PHC3: variants seen among roughly 807,000 people sequenced by gnomAD.
The protein encoded by PHC3 is polyhomeotic homolog 3, also known as polyhomeotic-like protein 3.
PHC3 carries 13 observed loss-of-function variants against 107.4 expected under a neutral mutation model. The ratio of observed to expected loss-of-function variants is 0.12; its 90% CI spans 0.08 to 0.19. The LOEUF is 0.19. Ranked by LOEUF, PHC3 falls within the 10% of genes least tolerant of loss-of-function variation. The pLI, the probability that PHC3 is intolerant of heterozygous loss-of-function variation, is 1.00. For missense variants in PHC3, 992 were observed against 1,210.9 expected (o/e 0.82, Z 2.68); for synonymous variants, 456 against 427.4 (o/e 1.07, Z -0.83).
intron 6 of PHC3, among the ~76,000 whole-genome samples, chr3:170,143,757 T>C (rs1176105242): frequency 6.6e-6 from 1 of 152,174 alleles, no homozygotes; most frequent in East Asian, 1.9e-4. Flanking sequence ...TTGACATATC[T>C]ATATACCATA....
At position 170,106,944 on chromosome 3, in the gene PHC3, T is replaced by G. The variant is rs1409848309; in HGVS notation, c.2356A>C (p.Thr786Pro). 3 of 1,581,658 alleles carry G rather than the reference T, an allele frequency of 1.9e-6. No homozygotes were observed. Among genetic ancestry groups the G allele is most frequent in the Non-Finnish European group, 1.7e-6 (2 of 1,167,680 alleles). Residue 786 changes from threonine to proline, a missense_variant and splice_region_variant, in exon 12 of 15, where the codon ACA becomes CCA. Thr to Pro is a conservative substitution (Grantham distance 38). Coordinates refer to ENST00000495893, the MANE Select transcript of PHC3 (RefSeq NM_024947.4). ...AACTCACTGTCCATTTCTTCTAATG[T>G]CTCTAAAAAAGAAGGAAACAAAGGA... ...TEMEDMIAEE[T>P]LEEMDSELLK...
In PHC3 at chr3:170,106,870, C is replaced by T; in HGVS notation, c.2430G>A (p.Leu810=). 1 of 1,612,364 alleles carries T rather than the reference C, an allele frequency of 6.2e-7. No individual in the cohort carries two copies. Among genetic ancestry groups the T allele is most frequent in the Non-Finnish European group, 8.5e-7 (1 of 1,179,360 alleles). Residue 810 remains leucine, a synonymous_variant, in exon 12 of 15, where the codon TTG becomes TTA. Transcript: ENST00000495893. ...CGKMGYANEF[L]RSKRFCTMSC... is the part of the protein sequence containing the mutation. ...ACATAGTGCAGAATCGTTTTGACCG[C>T]AAAAATTCATTAGCATATCCCATTT...
At chr3:170,153,762 C>CA (rs371840050) in intron 4 of PHC3, among the ~76,000 whole-genome samples, 34,124 of 108,332 alleles carry the variant, frequency 0.31, 4,699 homozygotes, top group East Asian at 0.52. Context: ...GACTCCGTCT[C>CA]AAAAAAAAAA....
Position 170,097,422 on chromosome 3 carries a change from A to G in PHC3, c.2834-38T>C. The G allele has an allele frequency of 6.3e-7, 1 of 1,593,096 alleles. No homozygotes were observed. The highest frequency in any genetic ancestry group is 8.6e-7 in the Non-Finnish European group (1 of 1,166,832). ...CAGAGGACAGAAGTTAGAATTAAAT[A>G]TACAACAATTAGACATTACTCCTAA... On this transcript the variant is annotated intron_variant, in intron 14 of 14. Transcript: ENST00000495893. The surrounding 1 kb of genome is among the most constrained non-coding windows in gnomAD (Gnocchi z 4.1).
In PHC3 at chr3:170,113,451, T is replaced by C. The variant is rs776110311; in HGVS notation, c.2262A>G (p.Ile754Met). The part of the protein sequence containing the change: ...KKRPLLDNQV[I>M]NSVCVQPELQ... Reference sequence around the variant, plus strand: ...GCTCTGGCTGAACACACACTGAATTTATCACCTGATTATCCAAAAGAGGCC... The same window carrying C: ...GCTCTGGCTGAACACACACTGAATTCATCACCTGATTATCCAAAAGAGGCC... The change falls in exon 11 of 15, where the codon ATA (isoleucine) becomes ATG (methionine). Residue 754 changes from isoleucine (I) to methionine (M), a missense_variant. Ile to Met is a conservative substitution (Grantham distance 10, BLOSUM62 1). Transcript: ENST00000495893. 6.2e-7 allele frequency: 1 copy of C among 1,613,278 alleles called. No individual in the cohort carries two copies. Among genetic ancestry groups the C allele is most frequent in the Admixed American group, 1.7e-5 (1 of 59,962 alleles).
At chr3:170,168,185 T>TCAAAGG (rs57283288) in intron 4 of PHC3, among the ~76,000 whole-genome samples, 69,308 of 150,848 alleles carry the variant, frequency 0.46, 16,180 homozygotes, top group East Asian at 0.69. Context: ...AAAGGCAAAG[T>TCAAAGG]CAAAGGGAAA....
chr3:170,181,584 G>T, intron 1 of PHC3, 118 bp downstream of exon 1: 1 of 1,465,280 alleles, frequency 6.8e-7, no homozygotes, highest in Non-Finnish European at 9.5e-7. Flanking sequence ...GACGGGTCTC[G>T]AGTCTCTCTT....
Position 170,136,660 on chromosome 3 carries a change from C to G in PHC3, c.678G>C (p.Gln226His). The part of the protein sequence containing the change: ...SSCQSAATQV[Q>H]NLTLRSQKLG... The stretch of plus-strand genomic sequence containing the variant: ...ACTTCTGGCTGCGTAATGTTAAATT[C>G]TGAACCTAAGAACCACATAACAGAA... Residue 226 changes from glutamine (Q) to histidine (H), a missense_variant, in exon 7 of 15, where the codon CAG becomes CAC. Coordinates refer to ENST00000495893, the MANE Select transcript of PHC3 (RefSeq NM_024947.4). 1.2e-6 allele frequency: 2 copies of G among 1,612,904 alleles called. No individual in the cohort carries two copies. The highest frequency in any genetic ancestry group is 1.7e-6 in the Non-Finnish European group (2 of 1,179,396).
chr3:170,131,550 C>G (rs184301084), intron 7 of PHC3, among the ~76,000 whole-genome samples: 62 of 152,244 alleles, frequency 4.1e-4, no homozygotes, highest in Non-Finnish European at 7.1e-4. Flanking sequence ...AATAACAATT[C>G]TGGCTGGGCG....
At chr3:170,140,039 T>C (rs1723778299) in intron 6 of PHC3, among the ~76,000 whole-genome samples, 1 of 152,046 alleles carries the variant, frequency 6.6e-6, no homozygotes, top group Admixed American at 6.6e-5. Context: ...TACTCTCACA[T>C]CAATTATTTA....
intron 9 of PHC3, among the ~76,000 whole-genome samples, chr3:170,120,223 T>G (rs1719962495): frequency 6.6e-6 from 1 of 152,168 alleles, no homozygotes; most frequent in South Asian, 2.1e-4. Flanking sequence ...TAAATCCATT[T>G]CAGTGTAAAC....
intron 8 of PHC3, among the ~76,000 whole-genome samples, chr3:170,127,620 T>C (rs1271384416): frequency 6.6e-6 from 1 of 152,164 alleles, no homozygotes; most frequent in South Asian, 2.1e-4. Flanking sequence ...AATCCAAGTA[T>C]GAAAAGAAAA....
At chr3:170,120,970 G>C (rs929893755) in intron 9 of PHC3, among the ~76,000 whole-genome samples, 2 of 152,202 alleles carry the variant, frequency 1.3e-5, no homozygotes, top group African/African-American at 2.4e-5. Flanking sequence ...TTCCATAAAT[G>C]GCTGTAGAGT....
At chr3:170,132,306 T>C (rs1440860986) in intron 7 of PHC3, among the ~76,000 whole-genome samples, 1 of 152,038 alleles carries the variant, frequency 6.6e-6, no homozygotes. Context: ...AAACTGTGAG[T>C]AGTTAAGTGA....
At position 170,091,981 on chromosome 3, in the gene PHC3, A is replaced by G. The variant is rs145007180; in HGVS notation, c.*5249T>C. The G allele has an allele frequency of 3.3e-5, 5 of 152,240 alleles. No homozygotes were observed. The East Asian group carries it at 9.6e-4, about 29-fold the overall frequency. 9.4% of individuals were successfully genotyped at this position (152,240 alleles called of 1,614,324 possible). Reference sequence around the variant, plus strand: ...TTTTATGAACTTCTAATAAAAGAGGACGTATCTTCCCAAATAATTTTTTGT... The same window carrying G: ...TTTTATGAACTTCTAATAAAAGAGGGCGTATCTTCCCAAATAATTTTTTGT... On this transcript the variant is annotated 3_prime_UTR_variant, in exon 15 of 15. Coordinates refer to ENST00000495893, the MANE Select transcript of PHC3 (RefSeq NM_024947.4).
intron 12 of PHC3, among the ~76,000 whole-genome samples, chr3:170,106,318 A>C (rs1020761382): frequency 1.3e-5 from 2 of 152,226 alleles, no homozygotes; most frequent in East Asian, 3.8e-4. Flanking sequence ...GATAATGTTA[A>C]CAGTGTGGGG....
chr3:170,131,116 G>A (rs76783536), intron 7 of PHC3, among the ~76,000 whole-genome samples: 1,786 of 143,014 alleles, frequency 0.012, 37 homozygotes, highest in African/African-American at 0.044. Flanking sequence ...AGAGGCGTTT[G>A]GAAAGTTCAA....
intron 4 of PHC3, among the ~76,000 whole-genome samples, chr3:170,169,317 A>T (rs1729226177): frequency 6.6e-6 from 1 of 152,106 alleles, no homozygotes; most frequent in South Asian, 2.1e-4. Context: ...CCTAACTCAA[A>T]ATAATCAAAA....
intron 1 of PHC3, among the ~76,000 whole-genome samples, chr3:170,180,919 C>T (rs1163481238): frequency 2.6e-5 from 4 of 152,184 alleles, no homozygotes. Context: ...CACAAAAGAA[C>T]AACTTTGGTA....
Sources: allele counts gnomAD v4.1 joint callset (sites outside exome capture counted in the v4.1 genomes callset), GRCh38; gene constraint gnomAD v4.1.1; non-coding constraint Gnocchi (gnomAD v3.1); transcripts MANE v1.5; gene names NCBI Gene and HGNC (gene_info 2026-07-23, HGNC 2026-07-21).